The following NARS2 variants were observed in gnomAD, a reference collection of about 807,000 sequenced individuals.
NARS2 encodes asparaginyl-tRNA synthetase.
NARS2 carries 60 observed loss-of-function variants against 62.9 expected under a neutral mutation model. That is an observed-to-expected ratio of 0.95 (90% CI 0.77 to 1.18). The LOEUF is 1.18. Among genes scored for constraint, NARS2 ranks in the 50% most tolerant of loss-of-function variants. The pLI is 0.00. For synonymous variants in NARS2, 196 were observed against 200.0 expected (o/e 0.98, Z 0.17); for missense variants, 619 against 576.4 (o/e 1.07, Z -0.76).
chr11:78,550,962 C>G (rs903435954), intron 5 of NARS2, among the ~76,000 whole-genome samples: 6 of 151,904 alleles, frequency 3.9e-5, no homozygotes, highest in Non-Finnish European at 1.5e-5. Flanking sequence ...GTGAAAGAAG[C>G]CAAACACAAA....
At chr11:78,463,550 G>C (rs1030568602) in intron 11 of NARS2, among the ~76,000 whole-genome samples, 1 of 152,112 alleles carries the variant, frequency 6.6e-6, no homozygotes, top group African/African-American at 2.4e-5. Context: ...GATGGGTGTG[G>C]CGGCACACGC....
At chr11:78,513,372 C>T (rs1426851163) in intron 6 of NARS2, among the ~76,000 whole-genome samples, 2 of 150,576 alleles carry the variant, frequency 1.3e-5, no homozygotes, top group Non-Finnish European at 2.9e-5. Context: ...ACCTATTAAC[C>T]ACCCCCACTT....
chr11:78,562,346 A>G (rs2135523024), intron 4 of NARS2, among the ~76,000 whole-genome samples: 1 of 152,194 alleles, frequency 6.6e-6, no homozygotes, highest in East Asian at 1.9e-4. Flanking sequence ...AGGAGGATCA[A>G]TTGGGCCTGG....
chr11:78,505,038 G>A (rs1237469597), intron 6 of NARS2, among the ~76,000 whole-genome samples: 1 of 151,102 alleles, frequency 6.6e-6, no homozygotes, highest in Admixed American at 6.6e-5. Context: ...CAGTTCACAG[G>A]TAAATTTTTA....
At chr11:78,566,531 T>C (rs758907217) in intron 3 of NARS2, among the ~76,000 whole-genome samples, 21 of 152,214 alleles carry the variant, frequency 1.4e-4, no homozygotes, top group African/African-American at 2.2e-4. Context: ...CTGAAGCTCA[T>C]CTGTTATTTA....
intron 6 of NARS2, among the ~76,000 whole-genome samples, chr11:78,525,726 A>T (rs559179570): frequency 1.3e-4 from 20 of 152,222 alleles, no homozygotes; most frequent in Admixed American, 7.9e-4. Flanking sequence ...ACTCACTTCC[A>T]AAAATTAGAG....
At chr11:78,533,124 C>T (rs10793323) in intron 5 of NARS2, 101,258 of 151,944 alleles carry the variant, frequency 0.67, 36,169 homozygotes, top group Non-Finnish European at 0.81. Context: ...TGCTGTTTTG[C>T]CAACAGCTGG....
At chr11:78,488,722 A>T (rs1364868163) in intron 7 of NARS2, among the ~76,000 whole-genome samples, 1 of 152,216 alleles carries the variant, frequency 6.6e-6, no homozygotes, top group African/African-American at 2.4e-5. Context: ...TAGTAGTAAG[A>T]CTGTTGTTTT....
Position 78,545,576 on chromosome 11 carries a change from G to A in NARS2, c.594+13963C>T, listed in dbSNP as rs559842438. Reference sequence around the variant, plus strand: ...GTCTTGCTCTGTCACCCAGACTGTAGTGCAGTGGTGTGATCTCGGCTCACT... The same window carrying A: ...GTCTTGCTCTGTCACCCAGACTGTAATGCAGTGGTGTGATCTCGGCTCACT... On this transcript the variant is annotated intron_variant, in intron 5 of 13. Transcript: ENST00000281038. 2.1e-5 allele frequency among the ~76,000 whole-genome samples: 3 copies of A among 144,658 alleles called. No homozygotes were observed. In the Admixed American group the frequency reaches 2.1e-4, roughly 10 times the overall value. 94.9% of individuals were successfully genotyped at this position (144,658 alleles called of 152,430 possible). A position where few individuals can be genotyped will look rare whatever the true frequency, so the allele number is the denominator to read the frequency against.
chr11:78,503,129 G>C (rs1409582823), intron 6 of NARS2, among the ~76,000 whole-genome samples: 2 of 151,988 alleles, frequency 1.3e-5, no homozygotes, highest in Non-Finnish European at 2.9e-5. Context: ...GCTTAGACAA[G>C]TGAGTAAATA....
At chr11:78,537,821 T>A (rs114285147) in intron 5 of NARS2, among the ~76,000 whole-genome samples, 1,643 of 152,294 alleles carry the variant, frequency 0.011, 35 homozygotes, top group African/African-American at 0.039. Context: ...CATACATACA[T>A]ACATGCAAAC....
At chr11:78,466,072 G>A in intron 10 of NARS2, 59 bp from the exon 11 acceptor site, 2 of 1,509,940 alleles carry the variant, frequency 1.3e-6, no homozygotes, top group South Asian at 2.7e-5. Context: ...ATACAATTAA[G>A]CAGCTGAAAA....
chr11:78,501,997 C>T (rs1413794376), intron 6 of NARS2, among the ~76,000 whole-genome samples: 1 of 151,966 alleles, frequency 6.6e-6, no homozygotes, highest in Non-Finnish European at 1.5e-5. Context: ...AATTTTCAGC[C>T]ATAAAAAAGA....
intron 13 of NARS2, among the ~76,000 whole-genome samples, chr11:78,438,133 C>G (rs973747736): frequency 6.6e-6 from 1 of 152,090 alleles, no homozygotes; most frequent in Non-Finnish European, 1.5e-5. Context: ...CAACCTATTT[C>G]CCCACCATTA....
At position 78,518,769 on chromosome 11, in the gene NARS2, G is replaced by A. The variant is rs534776352; in HGVS notation, c.689+10073C>T. ...CCTAACTTTGTGATCTGCCCACCTC[G>A]GCCTCCCAAAGTGCTAGGATTACAG... On this transcript the variant is annotated intron_variant, in intron 6 of 13. Transcript: ENST00000281038. 5.9e-5 allele frequency among the ~76,000 whole-genome samples: 9 copies of A among 152,122 alleles called. No individual in the cohort carries two copies. The East Asian group carries it at 1.5e-3, about 26-fold the overall frequency.
chr11:78,438,101 C>T (rs1857467137), intron 13 of NARS2, among the ~76,000 whole-genome samples: 3 of 151,994 alleles, frequency 2.0e-5, no homozygotes, highest in Admixed American at 1.3e-4. Flanking sequence ...CACTTGGTTC[C>T]TCAGTCATAA....
intron 5 of NARS2, chr11:78,546,448 C>G (rs986767086): frequency 2.0e-5 from 3 of 152,222 alleles, no homozygotes; most frequent in African/African-American, 7.2e-5. Context: ...GCATAGTGCA[C>G]TAGGCAGCTA....
chr11:78,478,625 T>C lies in NARS2; in HGVS notation c.881A>G (p.Asp294Gly). Residue 294 changes from aspartate to glycine, a missense_variant, in exon 8 of 14, where the codon GAT becomes GGT. Transcript: ENST00000281038. ...TATGAATTTGTGACAGAGTTCAACA[T>C]CTTCAGGACATTTTGAGAGAACCAT... is the stretch of plus-strand genomic sequence containing the variant. ...TMMVLSKCPE[D>G]VELCHKFIAP... The C allele has an allele frequency of 6.2e-7, 1 of 1,612,040 alleles. No homozygotes were observed. Among genetic ancestry groups the C allele is most frequent in the Non-Finnish European group, 8.5e-7 (1 of 1,178,846 alleles).
chr11:78,493,385 A>G (rs1356588070), intron 6 of NARS2, among the ~76,000 whole-genome samples, 190 bp from the exon 7 acceptor site: 1 of 152,206 alleles, frequency 6.6e-6, no homozygotes, highest in African/African-American at 2.4e-5. Flanking sequence ...TGTTACATTG[A>G]GGCTGGGCAC....
Sources: gnomAD v4.1 joint callset for allele counts (sites outside exome capture counted in the v4.1 genomes callset) on GRCh38, gnomAD v4.1.1 for gene constraint, MANE v1.5 for transcripts, NCBI Gene and HGNC (gene_info 2026-07-23, HGNC 2026-07-21) for gene names.